LGR5: variants seen among roughly 807,000 people sequenced by gnomAD.
The protein encoded by LGR5 is leucine rich repeat containing G protein-coupled receptor 5, also known as leucine-rich repeat-containing G protein-coupled receptor 5.
Under a neutral mutation model 76.7 loss-of-function variants are expected in LGR5, and 54 were observed. That is an observed-to-expected ratio of 0.70 (90% CI 0.57 to 0.88). The LOEUF (loss-of-function observed/expected upper bound fraction) is 0.88, where lower values mean the gene tolerates loss of function less well. Ranked by LOEUF, LGR5 falls within the 40% of genes least tolerant of loss-of-function variation. The pLI, the probability that LGR5 is intolerant of heterozygous loss-of-function variation, is 0.00. For missense variants in LGR5, 1,078 were observed against 1,073.3 expected (o/e 1.00, Z -0.06); for synonymous variants, 406 against 421.9 (o/e 0.96, Z 0.46).
At chr12:71,483,074 G>A (rs558554002) in intron 1 of LGR5, among the ~76,000 whole-genome samples, 1 of 151,874 alleles carries the variant, frequency 6.6e-6, no homozygotes, top group South Asian at 2.1e-4. Flanking sequence ...AGGCAAATAA[G>A]TTACTGTTAT....
chr12:71,483,456 G>C (rs1330244706), intron 1 of LGR5, among the ~76,000 whole-genome samples: 1 of 152,162 alleles, frequency 6.6e-6, no homozygotes, highest in African/African-American at 2.4e-5. Context: ...GTGGAGAGGA[G>C]ACTTTTTCTG....
Position 71,566,709 on chromosome 12 carries a change from T to G in LGR5, c.998+9T>G, listed in dbSNP as rs1421082674. On this transcript the variant is annotated intron_variant, in intron 10 of 17. Coordinates refer to ENST00000266674, the MANE Select transcript of LGR5 (RefSeq NM_003667.4). Reference sequence around the variant, plus strand: ...GCAAACCTGGAGAGTCTGTAAGTACTGAGTAGACTCTTGACTTTGCCCAGA... The same window carrying G: ...GCAAACCTGGAGAGTCTGTAAGTACGGAGTAGACTCTTGACTTTGCCCAGA... 6.2e-7 allele frequency: 1 copy of G among 1,608,598 alleles called. No homozygotes were observed. Among genetic ancestry groups the G allele is most frequent in the Non-Finnish European group, 8.5e-7 (1 of 1,175,006 alleles).
At chr12:71,577,796 T>C (rs1023520148) in intron 13 of LGR5, 129 bp from the exon 14 acceptor site, 1 of 617,022 alleles carries the variant, frequency 1.6e-6, no homozygotes, top group African/African-American at 1.8e-5. Flanking sequence ...GAAGGGCAGT[T>C]TGATAAGTTA....
intron 1 of LGR5, among the ~76,000 whole-genome samples, chr12:71,464,115 A>G (rs906547917): frequency 2.0e-5 from 3 of 152,220 alleles, no homozygotes; most frequent in Admixed American, 6.5e-5. Flanking sequence ...ATTCCTTCAC[A>G]ATACTTGCAA....
chr12:71,499,555 T>C (rs1035186111), intron 1 of LGR5, among the ~76,000 whole-genome samples: 1 of 152,048 alleles, frequency 6.6e-6, no homozygotes, highest in Non-Finnish European at 1.5e-5. Flanking sequence ...CCTAAGGAGT[T>C]TGGGCATCAT....
intron 15 of LGR5, 94 bp from the exon 16 acceptor site, chr12:71,580,184 C>A: frequency 8.3e-7 from 1 of 1,199,968 alleles, no homozygotes; most frequent in Non-Finnish European, 1.2e-6. Flanking sequence ...AGGCTAAAAT[C>A]CAAAGGTAGA....
At chr12:71,456,622 A>C (rs1168526791) in intron 1 of LGR5, among the ~76,000 whole-genome samples, 1 of 152,164 alleles carries the variant, frequency 6.6e-6, no homozygotes, top group Non-Finnish European at 1.5e-5. Flanking sequence ...CTGCAGAGGG[A>C]GGTTTAAATG....
intron 1 of LGR5, among the ~76,000 whole-genome samples, chr12:71,486,524 G>A (rs926422855): frequency 1.3e-5 from 2 of 152,182 alleles, no homozygotes; most frequent in African/African-American, 4.8e-5. Context: ...AGGAGGCAGT[G>A]CTTATCTGAT....
rs1480183390 is a variant in LGR5, at chr12:71,585,146, A to T, written c.*412A>T. The T allele has an allele frequency of 1.2e-5, 2 of 165,404 alleles. No homozygotes were observed. The highest frequency in any genetic ancestry group is 4.8e-5 in the African/African-American group (2 of 41,676). 10.2% of individuals were successfully genotyped at this position (165,404 alleles called of 1,614,324 possible). ...AACTCAAGAGGTTGTTGGGGGAATT[A>T]GGAAAATAAGGGTTTTCAATGACCT... On this transcript the variant is annotated 3_prime_UTR_variant, in exon 18 of 18. Coordinates refer to ENST00000266674, the MANE Select transcript of LGR5 (RefSeq NM_003667.4).
chr12:71,533,391 C>T (rs932161576), intron 3 of LGR5, among the ~76,000 whole-genome samples: 2 of 151,998 alleles, frequency 1.3e-5, no homozygotes, highest in African/African-American at 4.8e-5. Context: ...AAATATTTAG[C>T]ACAGCATGGG....
intron 1 of LGR5, among the ~76,000 whole-genome samples, chr12:71,504,151 T>TAA (rs1874743071): frequency 1.3e-5 from 2 of 152,106 alleles, no homozygotes; most frequent in African/African-American, 2.4e-5. Context: ...GTTGTTGTTT[T>TAA]AAATTTCTTT....
At chr12:71,547,705 T>A (rs1877255740) in intron 4 of LGR5, among the ~76,000 whole-genome samples, 1 of 152,148 alleles carries the variant, frequency 6.6e-6, no homozygotes, top group Admixed American at 6.5e-5. Context: ...GTGTCTCAAG[T>A]CTCCTGATTC....
chr12:71,447,002 A>G (rs1315987208), intron 1 of LGR5, among the ~76,000 whole-genome samples: 1 of 152,196 alleles, frequency 6.6e-6, no homozygotes, highest in Non-Finnish European at 1.5e-5. Context: ...CTATAACCAG[A>G]TCTATGTGTC....
At chr12:71,487,569 C>T (rs1183833450) in intron 1 of LGR5, among the ~76,000 whole-genome samples, 1 of 152,124 alleles carries the variant, frequency 6.6e-6, no homozygotes, top group African/African-American at 2.4e-5. Context: ...CCCATGCCAC[C>T]ACACCCGGCT....
At position 71,439,847 on chromosome 12, in the gene LGR5, C is replaced by T; in HGVS notation, c.-234C>T. 2.0e-6 allele frequency: 1 copy of T among 496,970 alleles called. No individual in the cohort carries two copies. The allele number at this position is 496,970 out of a possible 1,614,324, so 30.8% of individuals were successfully genotyped here. On this transcript the variant is annotated 5_prime_UTR_variant, in exon 1 of 18. Transcript: ENST00000266674. Reference sequence around the variant, plus strand: ...CAGCAGCAAGGCGCACCGCCACTGTCGCCGCTGCAGCCAGGGCTGCTCCGA... The same window carrying T: ...CAGCAGCAAGGCGCACCGCCACTGTTGCCGCTGCAGCCAGGGCTGCTCCGA...
intron 2 of LGR5, among the ~76,000 whole-genome samples, chr12:71,512,326 C>T (rs1309650562): frequency 6.6e-6 from 1 of 152,166 alleles, no homozygotes; most frequent in African/African-American, 2.4e-5. Flanking sequence ...AATCACCTGT[C>T]CTAATTCTGT....
Position 71,504,745 on chromosome 12 carries a change from C to G in LGR5, c.284+60C>G, listed in dbSNP as rs927159657. 6.9e-6 allele frequency: 9 copies of G among 1,306,448 alleles called. No individual in the cohort carries two copies. The African/African-American group carries it at 1.2e-4, about 17-fold the overall frequency. 80.9% of individuals were successfully genotyped at this position (1,306,448 alleles called of 1,614,324 possible). Reference sequence around the variant, plus strand: ...ACACTGGGCACATTCTTGTGTTTGTCTCTCATACTTACTGTGGGAACCAGA... The same window carrying G: ...ACACTGGGCACATTCTTGTGTTTGTGTCTCATACTTACTGTGGGAACCAGA... On this transcript the variant is annotated intron_variant, in intron 2 of 17. Transcript: ENST00000266674.
In LGR5 at chr12:71,583,928, A is replaced by G; in HGVS notation, c.1918A>G (p.Ile640Val). 1.9e-6 allele frequency: 3 copies of G among 1,614,070 alleles called. No homozygotes were observed. Among genetic ancestry groups the G allele is most frequent in the Non-Finnish European group, 1.7e-6 (2 of 1,180,026 alleles). Residue 640 changes from isoleucine to valine, a missense_variant, in exon 18 of 18, where the codon ATT becomes GTT. Coordinates refer to ENST00000266674, the MANE Select transcript of LGR5 (RefSeq NM_003667.4). ...WWENGVGCHV[I>V]GFLSIFASES... The stretch of plus-strand genomic sequence containing the variant: ...GGAGAATGGGGTTGGTTGCCATGTC[A>G]TTGGTTTTTTGTCCATTTTTGCTTC...
intron 1 of LGR5, among the ~76,000 whole-genome samples, chr12:71,500,736 A>G (rs927426146): frequency 6.6e-6 from 1 of 152,166 alleles, no homozygotes; most frequent in African/African-American, 2.4e-5. Context: ...TGCTGGGATT[A>G]CAGATGTGAG....
Sources: allele counts gnomAD v4.1 joint callset (sites outside exome capture counted in the v4.1 genomes callset), GRCh38; gene constraint gnomAD v4.1.1; transcripts MANE v1.5; gene names NCBI Gene and HGNC (gene_info 2026-07-23, HGNC 2026-07-21).